PLCXD3: variants seen among roughly 807,000 people sequenced by gnomAD.
PLCXD3 encodes phosphatidylinositol specific phospholipase C X domain containing 3, also known as PI-PLC X domain-containing protein 3.
In PLCXD3, 19 loss-of-function variants were observed where a neutral mutation model predicts 25.5. That is an observed-to-expected ratio of 0.75 (90% CI 0.52 to 1.09). The LOEUF is 1.09. Among genes scored for constraint, PLCXD3 ranks in the 50% least tolerant of loss-of-function variants. The pLI is 0.00. For missense variants in PLCXD3, 411 were observed against 388.1 expected (o/e 1.06, Z -0.50); for synonymous variants, 174 against 137.6 (o/e 1.26, Z -1.85).
intron 2 of PLCXD3, among the ~76,000 whole-genome samples, chr5:41,375,394 T>C (rs983485125): frequency 2.9e-4 from 44 of 152,276 alleles, no homozygotes; most frequent in Middle Eastern, 3.4e-3. Flanking sequence ...CTTATCCCTC[T>C]CTGGGGTGTC....
chr5:41,339,162 C>A (rs1173798976), intron 2 of PLCXD3, among the ~76,000 whole-genome samples: 1 of 152,040 alleles, frequency 6.6e-6, no homozygotes, highest in Non-Finnish European at 1.5e-5. Flanking sequence ...ATTCTTCTCC[C>A]TCTTTAGCTC....
intron 1 of PLCXD3, among the ~76,000 whole-genome samples, chr5:41,424,765 A>C (rs1379184784): frequency 1.3e-5 from 2 of 152,120 alleles, no homozygotes; most frequent in East Asian, 3.9e-4. Flanking sequence ...ATTTGTTGAG[A>C]TTTGCTATGT....
chr5:41,433,269 A>G (rs2150509336), intron 1 of PLCXD3, among the ~76,000 whole-genome samples: 2 of 152,320 alleles, frequency 1.3e-5, no homozygotes, highest in Middle Eastern at 6.8e-3. Context: ...AAGTGAAAAT[A>G]ATGACACTAA....
intron 1 of PLCXD3, among the ~76,000 whole-genome samples, chr5:41,493,684 C>T (rs1477060765): frequency 6.6e-6 from 1 of 152,230 alleles, no homozygotes; most frequent in African/African-American, 2.4e-5. Context: ...AGTTTGATCT[C>T]AGACTGCTGT....
chr5:41,333,175 C>G (rs1016456432), intron 2 of PLCXD3, among the ~76,000 whole-genome samples: 1 of 151,882 alleles, frequency 6.6e-6, no homozygotes, highest in East Asian at 1.9e-4. Context: ...TGTGACTGCC[C>G]GTCCCAACCC....
chr5:41,446,681 G>A (rs984397828), intron 1 of PLCXD3, among the ~76,000 whole-genome samples: 5 of 152,084 alleles, frequency 3.3e-5, no homozygotes, highest in Non-Finnish European at 5.9e-5. Context: ...GTCATGTGGT[G>A]AGCCTGGAAC....
chr5:41,499,126 A>G (rs1748898867), intron 1 of PLCXD3, among the ~76,000 whole-genome samples: 1 of 151,528 alleles, frequency 6.6e-6, no homozygotes, highest in Non-Finnish European at 1.5e-5. Flanking sequence ...TGTATTTAAC[A>G]TAATACTATA....
At position 41,428,384 on chromosome 5, in the gene PLCXD3, T is replaced by G. The variant is rs559032461; in HGVS notation, c.104-45850A>C. On this transcript the variant is annotated intron_variant, in intron 1 of 2. Transcript: ENST00000377801. ...ATTAAGTTAAAATGAGTTTTTTTGT[T>G]TTTGTTTTTGTTTTTTTTAGGGTGG... 9.1e-3 allele frequency among the ~76,000 whole-genome samples: 1,321 copies of G among 145,716 alleles called. 51 individuals are homozygous for G. Among genetic ancestry groups the G allele is most frequent in the African/African-American group, 0.032 (1,265 of 38,932 alleles).
chr5:41,504,541 A>G (rs1749016881), intron 1 of PLCXD3, among the ~76,000 whole-genome samples: 1 of 152,218 alleles, frequency 6.6e-6, no homozygotes, highest in African/African-American at 2.4e-5. Flanking sequence ...AGCAGCTTCC[A>G]CAATGGGTGA....
Position 41,397,691 on chromosome 5 carries a change from G to A in PLCXD3, c.104-15157C>T, listed in dbSNP as rs1190262756. ...GCAATGTGTGCCTGGAAAAGCCACA[G>A]TCACTCAATACCAGCTTGTGAAAGC... On this transcript the variant is annotated intron_variant, in intron 1 of 2. Transcript: ENST00000377801. Among the ~76,000 whole-genome samples, 7 of 152,204 alleles carry A rather than the reference G, an allele frequency of 4.6e-5. No homozygotes were observed. In the East Asian group the frequency reaches 1.3e-3, roughly 29 times the overall value.
chr5:41,495,557 T>A (rs1008290887), intron 1 of PLCXD3, among the ~76,000 whole-genome samples: 1 of 152,160 alleles, frequency 6.6e-6, no homozygotes, highest in African/African-American at 2.4e-5. Flanking sequence ...TCTGAGAATA[T>A]AAAATAGCAG....
chr5:41,346,145 T>G (rs1021645390), intron 2 of PLCXD3, among the ~76,000 whole-genome samples: 10 of 152,222 alleles, frequency 6.6e-5, no homozygotes, highest in African/African-American at 9.6e-5. Flanking sequence ...CCTCCCGAAG[T>G]GCTGGGATTA....
intron 1 of PLCXD3, among the ~76,000 whole-genome samples, chr5:41,409,599 T>C (rs370402463): frequency 7.2e-5 from 11 of 152,318 alleles, no homozygotes; most frequent in African/African-American, 2.4e-4. Context: ...TAGCTTCAAG[T>C]TTCATTTTAT....
Position 41,310,900 on chromosome 5 carries a change from AG to A in PLCXD3, c.*2716del, listed in dbSNP as rs1743121760. On this transcript the variant is annotated 3_prime_UTR_variant, in exon 3 of 3. Coordinates refer to ENST00000377801, the MANE Select transcript of PLCXD3 (RefSeq NM_001005473.3). The stretch of plus-strand genomic sequence containing the variant: ...TTTCTGGGTGCATATCATTAGCAGC[AG>A]TACAAAGCTTTCCCTAGTTAAAAAA... 3 of 152,560 alleles carry A rather than the reference AG, an allele frequency of 2.0e-5. No individual in the cohort carries two copies. Among genetic ancestry groups the A allele is most frequent in the Non-Finnish European group, 4.4e-5 (3 of 68,030 alleles). The allele number at this position is 152,560 out of a possible 1,614,324, so 9.5% of individuals were successfully genotyped here.
At chr5:41,399,562 TTAGA>T (rs1355697693) in intron 1 of PLCXD3, among the ~76,000 whole-genome samples, 1 of 152,062 alleles carries the variant, frequency 6.6e-6, no homozygotes, top group African/African-American at 2.4e-5. Flanking sequence ...TAAACTCAGT[TTAGA>T]TAAAGGTGCC....
chr5:41,324,152 T>C (rs532600648), intron 2 of PLCXD3, among the ~76,000 whole-genome samples: 1 of 152,082 alleles, frequency 6.6e-6, no homozygotes, highest in South Asian at 2.1e-4. Context: ...TAGAAGGCAA[T>C]CAGAAGTAGA....
At chr5:41,434,509 T>C (rs1318759604) in intron 1 of PLCXD3, among the ~76,000 whole-genome samples, 1 of 152,182 alleles carries the variant, frequency 6.6e-6, no homozygotes, top group Non-Finnish European at 1.5e-5. Flanking sequence ...CAGTCTGTAC[T>C]CACACCCCCA....
chr5:41,317,304 G>C (rs1743329350), intron 2 of PLCXD3, among the ~76,000 whole-genome samples: 2 of 152,236 alleles, frequency 1.3e-5, no homozygotes, highest in African/African-American at 2.4e-5. Context: ...AGCATTACTG[G>C]TCTTGGGGTG....
At chr5:41,419,357 G>T (rs2150505594) in intron 1 of PLCXD3, among the ~76,000 whole-genome samples, 1 of 152,168 alleles carries the variant, frequency 6.6e-6, no homozygotes, top group East Asian at 1.9e-4. Context: ...TTCTTTCTTT[G>T]GAATAATTTC....
Sources: gnomAD v4.1 joint callset for allele counts (sites outside exome capture counted in the v4.1 genomes callset) on GRCh38, gnomAD v4.1.1 for gene constraint, MANE v1.5 for transcripts, NCBI Gene and HGNC (gene_info 2026-07-23, HGNC 2026-07-21) for gene names.